The following MRTFB variants were observed in gnomAD, a reference collection of about 807,000 sequenced individuals.
MRTFB encodes myocardin-related transcription factor B.
Under a neutral mutation model 104.2 loss-of-function variants are expected in MRTFB, and 29 were observed. The observed-to-expected ratio is 0.28, with a 90% CI of 0.21 to 0.38. The LOEUF is 0.38. MRTFB is among the 10% of genes least tolerant of loss of function. The pLI is 1.00. For missense variants in MRTFB, 1,270 were observed against 1,341.6 expected (o/e 0.95, Z 0.83); for synonymous variants, 535 against 519.5 (o/e 1.03, Z -0.41).
intron 2 of MRTFB, among the ~76,000 whole-genome samples, chr16:14,099,586 T>G (rs925318682): frequency 4.6e-5 from 7 of 151,892 alleles, no homozygotes; most frequent in African/African-American, 1.7e-4. Flanking sequence ...ACTGGTCAAG[T>G]GATCTATCTA....
chr16:14,210,566 ATTCT>A (rs1276976061), intron 4 of MRTFB, among the ~76,000 whole-genome samples: 4 of 152,230 alleles, frequency 2.6e-5, no homozygotes, highest in Non-Finnish European at 4.4e-5. Context: ...GCTAACATTC[ATTCT>A]TTCTTTAAAC....
chr16:14,136,484 A>G (rs957684560), intron 2 of MRTFB, among the ~76,000 whole-genome samples: 1 of 152,036 alleles, frequency 6.6e-6, no homozygotes, highest in Non-Finnish European at 1.5e-5. Flanking sequence ...TCTGTCCCAA[A>G]CCAATTGTAG....
At chr16:14,098,535 T>C (rs2035522469) in intron 2 of MRTFB, among the ~76,000 whole-genome samples, 1 of 152,244 alleles carries the variant, frequency 6.6e-6, no homozygotes. Context: ...CTTAACATTC[T>C]TTCAAAGAGC....
At chr16:14,121,631 A>C (rs1355772286) in intron 2 of MRTFB, among the ~76,000 whole-genome samples, 2 of 152,202 alleles carry the variant, frequency 1.3e-5, no homozygotes, top group Admixed American at 1.3e-4. Context: ...TGAGGGGAAA[A>C]GCCCTGAAAG....
At chr16:14,259,774 AAAT>A (rs2043683568) in intron 16 of MRTFB, among the ~76,000 whole-genome samples, 1 of 152,198 alleles carries the variant, frequency 6.6e-6, no homozygotes, top group South Asian at 2.1e-4. Flanking sequence ...AAAATAATAA[AAAT>A]AAAAAAGACT....
chr16:14,218,905 T>C lies in MRTFB; in HGVS notation c.600T>C (p.Pro200=), dbSNP rs1407324248. ...GTGACGCTTTGTCTCCGGACCAGCC[T>C]GCGAGTCAGGAGTCACAGGGGTCAG... ...DSSDALSPDQ[P]ASQESQGSAA... is the part of the protein sequence containing the mutation. The change falls in exon 8 of 17, where the codon CCT becomes CCC. Residue 200 remains proline, a synonymous_variant. Coordinates refer to ENST00000571589, the MANE Select transcript of MRTFB (RefSeq NM_001308142.2). 6.2e-7 allele frequency: 1 copy of C among 1,614,112 alleles called. No homozygotes were observed. The highest frequency in any genetic ancestry group is 1.1e-5 in the South Asian group (1 of 91,044).
chr16:14,238,330 G>C lies in MRTFB; in HGVS notation c.832-1907G>C, dbSNP rs141145447. Among the ~76,000 whole-genome samples, 335 of 152,260 alleles carry C rather than the reference G, an allele frequency of 2.2e-3. 2 individuals are homozygous for C. The highest frequency in any genetic ancestry group is 7.6e-3 in the African/African-American group (315 of 41,554). On this transcript the variant is annotated intron_variant, in intron 9 of 16. Coordinates refer to ENST00000571589, the MANE Select transcript of MRTFB (RefSeq NM_001308142.2). ...GTTTTGCCAGGTGTCTATGACAAAGGGGGGGACTGTGCAAGTGAGGGGACC... is the reference window on the plus strand; with the variant it reads ...GTTTTGCCAGGTGTCTATGACAAAGCGGGGGACTGTGCAAGTGAGGGGACC...
At chr16:14,122,354 A>G (rs2036893725) in intron 2 of MRTFB, among the ~76,000 whole-genome samples, 1 of 151,606 alleles carries the variant, frequency 6.6e-6, no homozygotes, top group South Asian at 2.1e-4. Context: ...TTACATGTAT[A>G]TACACGTGCC....
intron 3 of MRTFB, among the ~76,000 whole-genome samples, chr16:14,163,277 G>A (rs1006460594): frequency 1.3e-5 from 2 of 152,056 alleles, no homozygotes; most frequent in Admixed American, 6.5e-5. Flanking sequence ...AATAAGTCAG[G>A]TATGACCATT....
the MRTFB span, among the ~76,000 whole-genome samples, chr16:14,005,020 G>A: frequency 6.6e-6 from 1 of 152,236 alleles, no homozygotes; most frequent in African/African-American, 2.4e-5. Flanking sequence ...TGTGCTCCAG[G>A]AAGGGCTGAA....
intron 10 of MRTFB, 23 bp from the exon 11 acceptor site, chr16:14,245,505 C>CT (rs1210910812): frequency 3.8e-6 from 6 of 1,590,450 alleles, no homozygotes; most frequent in Admixed American, 1.8e-5. Context: ...ATTATAAACT[C>CT]TAATTTTTGT....
At chr16:14,190,743 T>G (rs1567434338) in intron 3 of MRTFB, among the ~76,000 whole-genome samples, 1 of 152,222 alleles carries the variant, frequency 6.6e-6, no homozygotes, top group Non-Finnish European at 1.5e-5. Context: ...CAAAACGCAG[T>G]CCAGTGTGGG....
chr16:14,082,845 T>G (rs769972625), intron 2 of MRTFB, among the ~76,000 whole-genome samples: 3 of 152,146 alleles, frequency 2.0e-5, no homozygotes, highest in Non-Finnish European at 4.4e-5. Context: ...GCTGTTCATA[T>G]CCTTTGGTAG....
chr16:14,066,221 A>T, the MRTFB span, among the ~76,000 whole-genome samples: 1 of 151,404 alleles, frequency 6.6e-6, no homozygotes, highest in Non-Finnish European at 1.5e-5. Flanking sequence ...TTTGGAAACC[A>T]TACCTTATTT....
At chr16:14,228,575 CA>C (rs373167499) in intron 8 of MRTFB, among the ~76,000 whole-genome samples, 210 of 134,898 alleles carry the variant, frequency 1.6e-3, no homozygotes, top group Middle Eastern at 3.6e-3. Context: ...GACTCCGTCC[CA>C]AAAAAAAAAA....
the MRTFB span, among the ~76,000 whole-genome samples, chr16:14,043,709 T>C: frequency 6.6e-6 from 1 of 152,218 alleles, no homozygotes; most frequent in Non-Finnish European, 1.5e-5. Flanking sequence ...CTCCTGAGGT[T>C]ATTGAAGGAA....
At chr16:14,107,080 A>G (rs1479969413) in intron 2 of MRTFB, among the ~76,000 whole-genome samples, 1 of 152,192 alleles carries the variant, frequency 6.6e-6, no homozygotes, top group Non-Finnish European at 1.5e-5. Flanking sequence ...ATTTAATAGA[A>G]AAGAGCTTAG....
At chr16:14,006,815 A>G in the MRTFB span, among the ~76,000 whole-genome samples, 1 of 152,130 alleles carries the variant, frequency 6.6e-6, no homozygotes, top group Admixed American at 6.5e-5. Flanking sequence ...AAGGAGTTCA[A>G]GACCAGCCTG....
chr16:14,122,097 C>A (rs1224341352), intron 2 of MRTFB, among the ~76,000 whole-genome samples: 1 of 152,078 alleles, frequency 6.6e-6, no homozygotes, highest in African/African-American at 2.4e-5. Context: ...TGCCTCCACT[C>A]TCCCTGCCTT....
Sources: gnomAD v4.1 joint callset for allele counts (sites outside exome capture counted in the v4.1 genomes callset) on GRCh38, gnomAD v4.1.1 for gene constraint, MANE v1.5 for transcripts, NCBI Gene and HGNC (gene_info 2026-07-23, HGNC 2026-07-21) for gene names.